The following VANGL2 variants were observed in gnomAD, a reference collection of about 807,000 sequenced individuals.
VANGL2 encodes the protein VANGL planar cell polarity protein 2.
In VANGL2, 14 loss-of-function variants were observed where a neutral mutation model predicts 50.2. That is an observed-to-expected ratio of 0.28 (90% CI 0.18 to 0.44). The LOEUF (loss-of-function observed/expected upper bound fraction) is 0.44, where lower values mean the gene tolerates loss of function less well. Among genes scored for constraint, VANGL2 ranks in the 20% least tolerant of loss-of-function variants. The probability of loss-of-function intolerance (pLI) is 1.00; values close to 1 mark genes in which losing one functional copy is unlikely to be tolerated. For synonymous variants in VANGL2, 295 were observed against 297.2 expected, an observed-to-expected ratio of 0.99 and a Z score of 0.08; for missense variants, 533 against 701.5, an observed-to-expected ratio of 0.76 and a Z score of 2.71.
chr1:160,423,205 C>T (rs995380975), intron 6 of VANGL2, among the ~76,000 whole-genome samples: 1 of 152,148 alleles, frequency 6.6e-6, no homozygotes, highest in African/African-American at 2.4e-5. Flanking sequence ...CACACCCGGC[C>T]ATCTATATGC....
chr1:160,419,337 C>T lies in VANGL2; in HGVS notation c.528C>T (p.Pro176=). The change falls in exon 4 of 8, where the codon CCC becomes CCT. Residue 176 remains proline, a synonymous_variant. Coordinates refer to ENST00000368061, the MANE Select transcript of VANGL2 (RefSeq NM_020335.3). The surrounding 1 kb of genome is among the most constrained non-coding windows in gnomAD (Gnocchi z 5.8). ...LFFRRPKASL[P]RVFVLRALLM... is the part of the protein sequence containing the mutation. ...TCCGCCGGCCCAAGGCCTCGCTGCC[C>T]CGCGTCTTTGTGCTGCGTGCCCTGC... 2 of 1,610,736 alleles carry T rather than the reference C, an allele frequency of 1.2e-6. No homozygotes were observed. The highest frequency in any genetic ancestry group is 2.2e-5 in the South Asian group (2 of 91,086).
intron 3 of VANGL2, among the ~76,000 whole-genome samples, chr1:160,417,065 C>T (rs1452557273): frequency 1.3e-5 from 2 of 152,150 alleles, no homozygotes; most frequent in African/African-American, 4.8e-5. Flanking sequence ...GAGACATGAC[C>T]AGCTCACCTG....
intron 1 of VANGL2, among the ~76,000 whole-genome samples, chr1:160,407,024 G>A (rs1447224616): frequency 2.0e-5 from 3 of 152,162 alleles, no homozygotes; most frequent in Non-Finnish European, 2.9e-5. Context: ...CACCACGCCC[G>A]GCCCAGGGGG....
At chr1:160,411,406 C>T (rs1650876644) in intron 1 of VANGL2, among the ~76,000 whole-genome samples, 2 of 152,000 alleles carry the variant, frequency 1.3e-5, no homozygotes. Context: ...CCCCCCATCT[C>T]TTCCCTGGGA....
At chr1:160,411,042 A>G (rs762428322) in intron 1 of VANGL2, among the ~76,000 whole-genome samples, 19 of 150,690 alleles carry the variant, frequency 1.3e-4, no homozygotes, top group South Asian at 1.1e-3. Flanking sequence ...CTCCCCCCCA[A>G]TCCCCTTGGG....
rs1158548069 is a variant in VANGL2, at chr1:160,426,902, G to A, written c.*1524G>A. The A allele has an allele frequency of 1.3e-5, 2 of 152,270 alleles. No homozygotes were observed. The highest frequency in any genetic ancestry group is 2.4e-5 in the African/African-American group (1 of 41,442). The allele number at this position is 152,270 out of a possible 1,614,324, so 9.4% of individuals were successfully genotyped here. A position where few individuals can be genotyped will look rare whatever the true frequency, so the allele number is the denominator to read the frequency against. ...TACTTACCTTGCAGAGCACATCCTG[G>A]GATAAGATCCCCAGTGTCTCCCCTG... On this transcript the variant is annotated 3_prime_UTR_variant, in exon 8 of 8. Coordinates refer to ENST00000368061, the MANE Select transcript of VANGL2 (RefSeq NM_020335.3).
chr1:160,420,808 G>A (rs1354923516), intron 5 of VANGL2, among the ~76,000 whole-genome samples: 2 of 152,162 alleles, frequency 1.3e-5, no homozygotes, highest in African/African-American at 2.4e-5. Context: ...TTTGGCTCTC[G>A]GAGCTGCAGA....
At chr1:160,407,954 G>A (rs538485656) in intron 1 of VANGL2, among the ~76,000 whole-genome samples, 2 of 152,276 alleles carry the variant, frequency 1.3e-5, no homozygotes, top group East Asian at 1.9e-4. Context: ...TTAGTGTCCC[G>A]TCTTCCCGCC....
intron 1 of VANGL2, among the ~76,000 whole-genome samples, chr1:160,405,282 A>G (rs1021331085): frequency 3.9e-5 from 6 of 152,216 alleles, no homozygotes; most frequent in African/African-American, 1.4e-4. Context: ...GCCTGGGACT[A>G]AGTCCTACTC....
chr1:160,425,518 C>A lies in VANGL2; in HGVS notation c.*140C>A. 2 of 786,042 alleles carry A rather than the reference C, an allele frequency of 2.5e-6. No individual in the cohort carries two copies. The highest frequency in any genetic ancestry group is 3.9e-6 in the Non-Finnish European group (2 of 507,610). The allele number at this position is 786,042 out of a possible 1,614,324, so 48.7% of individuals were successfully genotyped here. ...TTTTACTTGAATTAACGCACCCCCA[C>A]CTTCTCTCCTCGCTTCTTCCTTATT... On this transcript the variant is annotated 3_prime_UTR_variant, in exon 8 of 8. Coordinates refer to ENST00000368061, the MANE Select transcript of VANGL2 (RefSeq NM_020335.3).
At chr1:160,418,943 C>T in intron 3 of VANGL2, 59 bp from the exon 4 acceptor site, 1 of 1,552,328 alleles carries the variant, frequency 6.4e-7, no homozygotes, top group Non-Finnish European at 8.7e-7. Flanking sequence ...CTGTTTCCCT[C>T]CTCTTCCTCT....
intron 1 of VANGL2, among the ~76,000 whole-genome samples, chr1:160,413,248 G>T (rs1442144396): frequency 1.3e-5 from 2 of 151,878 alleles, no homozygotes; most frequent in Non-Finnish European, 2.9e-5. Context: ...AGAGTAGTTG[G>T]AGTAAAGGTA....
At chr1:160,406,188 C>A (rs773838571) in intron 1 of VANGL2, among the ~76,000 whole-genome samples, 2 of 152,200 alleles carry the variant, frequency 1.3e-5, no homozygotes, top group African/African-American at 4.8e-5. Flanking sequence ...TTACATAGCT[C>A]GTAAAAGGCT....
intron 1 of VANGL2, among the ~76,000 whole-genome samples, chr1:160,409,208 G>T (rs1287421828): frequency 6.6e-6 from 1 of 152,182 alleles, no homozygotes; most frequent in Non-Finnish European, 1.5e-5. Flanking sequence ...GGAGAAACCT[G>T]GTCTCACTCC....
chr1:160,402,231 G>A (rs1365688384), intron 1 of VANGL2, among the ~76,000 whole-genome samples: 2 of 152,120 alleles, frequency 1.3e-5, no homozygotes, highest in African/African-American at 2.4e-5. Flanking sequence ...CGGGGTCAGG[G>A]AGAAGAATAA....
chr1:160,408,146 C>A (rs970256195), intron 1 of VANGL2, among the ~76,000 whole-genome samples: 4 of 151,620 alleles, frequency 2.6e-5, no homozygotes, highest in Non-Finnish European at 5.9e-5. Context: ...GGGGCAGGTA[C>A]CTTCTGGGAG....
intron 3 of VANGL2, among the ~76,000 whole-genome samples, chr1:160,417,908 A>AT (rs4017836): frequency 0.42 from 54,847 of 129,832 alleles, 12,469 homozygotes; most frequent in East Asian, 0.6. Flanking sequence ...GACTTCCATA[A>AT]TTTTTTTTTT....
intron 1 of VANGL2, among the ~76,000 whole-genome samples, chr1:160,413,049 A>G (rs1050508814): frequency 6.6e-6 from 1 of 152,164 alleles, no homozygotes; most frequent in Admixed American, 6.5e-5. Context: ...GTGTAGGTAC[A>G]TTCTATGATG....
Position 160,416,190 on chromosome 1 carries a change from C to T in VANGL2, c.192+8C>T. On this transcript the variant is annotated splice_region_variant and intron_variant, in intron 3 of 7. Coordinates refer to ENST00000368061, the MANE Select transcript of VANGL2 (RefSeq NM_020335.3). ...ACACGAGGGGATGAGCGGGTGAGCA[C>T]TGGGGATGCGGTGGTCCAGACCGGG... 1 of 1,614,096 alleles carries T rather than the reference C, an allele frequency of 6.2e-7. No individual in the cohort carries two copies. Among genetic ancestry groups the T allele is most frequent in the Non-Finnish European group, 8.5e-7 (1 of 1,180,002 alleles).
Sources: gnomAD v4.1 joint callset for allele counts (sites outside exome capture counted in the v4.1 genomes callset) on GRCh38, gnomAD v4.1.1 for gene constraint, Gnocchi (gnomAD v3.1) non-coding constraint, MANE v1.5 for transcripts, NCBI Gene and HGNC (gene_info 2026-07-23, HGNC 2026-07-21) for gene names.